Variants in RIMKLB observed in about 807,000 individuals in gnomAD.
The protein encoded by RIMKLB is ribosomal modification protein rimK like family member B.
RIMKLB carries 7 observed loss-of-function variants against 32.0 expected under a neutral mutation model. The ratio of observed to expected loss-of-function variants is 0.22; its 90% confidence interval spans 0.12 to 0.41. RIMKLB has a LOEUF of 0.41. Among genes scored for constraint, RIMKLB ranks in the 10% least tolerant of loss-of-function variants. The pLI, the probability that RIMKLB is intolerant of heterozygous loss-of-function variation, is 1.00. For synonymous variants in RIMKLB, 172 were observed against 185.1 expected (o/e 0.93, Z 0.57); for missense variants, 289 against 498.7 (o/e 0.58, Z 4.00).
chr12:8,731,936 T>C (rs932990530), intron 2 of RIMKLB, among the ~76,000 whole-genome samples: 5 of 152,188 alleles, frequency 3.3e-5, no homozygotes, highest in African/African-American at 1.2e-4. Flanking sequence ...TATTGCCTGT[T>C]TTTCTTACTT....
At chr12:8,688,993 C>T (rs1411394356) in intron 1 of RIMKLB, among the ~76,000 whole-genome samples, 1 of 152,142 alleles carries the variant, frequency 6.6e-6, no homozygotes, top group Non-Finnish European at 1.5e-5. Context: ...CGACACCACA[C>T]CCGACTAATT....
chr12:8,698,952 A>ACCCC (rs112143852), intron 1 of RIMKLB, among the ~76,000 whole-genome samples: 3 of 148,286 alleles, frequency 2.0e-5, no homozygotes, highest in African/African-American at 7.5e-5. Flanking sequence ...CTTGCCCCTC[A>ACCCC]CCCCCCCCCA....
At chr12:8,728,749 C>G (rs1454983101) in intron 2 of RIMKLB, among the ~76,000 whole-genome samples, 1 of 151,290 alleles carries the variant, frequency 6.6e-6, no homozygotes, top group East Asian at 1.9e-4. Flanking sequence ...TAGTCTGCCA[C>G]CATGCTCTGC....
intron 2 of RIMKLB, among the ~76,000 whole-genome samples, chr12:8,716,668 A>G (rs986034142): frequency 2.8e-5 from 4 of 142,588 alleles, no homozygotes; most frequent in African/African-American, 1.0e-4. Flanking sequence ...GGGGCTTCCC[A>G]TGGCTTCAAA....
At chr12:8,719,165 T>C (rs746446595) in intron 2 of RIMKLB, among the ~76,000 whole-genome samples, 1 of 152,296 alleles carries the variant, frequency 6.6e-6, no homozygotes, top group South Asian at 2.1e-4. Context: ...CAGTATGTAG[T>C]GTTTTCGTAT....
At chr12:8,727,669 C>T (rs1017818497) in intron 2 of RIMKLB, among the ~76,000 whole-genome samples, 8 of 152,068 alleles carry the variant, frequency 5.3e-5, no homozygotes, top group Non-Finnish European at 1.2e-4. Flanking sequence ...CAGGCTGAGG[C>T]GGGCGGATCA....
At chr12:8,693,008 T>G (rs1296070863), upstream of RIMKLB, among the ~76,000 whole-genome samples, 1 of 152,256 alleles carries the variant, frequency 6.6e-6, no homozygotes, top group Non-Finnish European at 1.5e-5. Context: ...TCTCAAAGAT[T>G]AAATTCTTGT....
chr12:8,757,292 C>T (rs758439348), intron 5 of RIMKLB, among the ~76,000 whole-genome samples: 3 of 152,062 alleles, frequency 2.0e-5, no homozygotes, highest in East Asian at 3.9e-4. Flanking sequence ...CTTTGGGATG[C>T]CGAGGCAAGA....
chr12:8,721,931 A>T (rs778334831), intron 2 of RIMKLB, among the ~76,000 whole-genome samples: 5 of 152,010 alleles, frequency 3.3e-5, no homozygotes, highest in Admixed American at 6.6e-5. Context: ...TTTAGTAGAG[A>T]TGGGGTTTTG....
chr12:8,738,341 G>A (rs1044688136), intron 2 of RIMKLB, among the ~76,000 whole-genome samples: 5 of 152,204 alleles, frequency 3.3e-5, no homozygotes, highest in Non-Finnish European at 4.4e-5. Context: ...ACCACACCGT[G>A]CAATTAATGG....
chr12:8,754,692 G>T (rs1194806144), intron 5 of RIMKLB, among the ~76,000 whole-genome samples: 1 of 152,026 alleles, frequency 6.6e-6, no homozygotes, highest in Non-Finnish European at 1.5e-5. Flanking sequence ...TTTATATAAG[G>T]AATTGCTTAC....
At position 8,773,573 on chromosome 12, in the gene RIMKLB, C is replaced by G. The variant is rs1950563179; in HGVS notation, c.950C>G (p.Ser317Cys). Residue 317 changes from serine (S) to cysteine (C), a missense_variant, in exon 6 of 6, where the codon TCC (serine) becomes TGC (cysteine). Physicochemically the swap from Ser to Cys is moderately radical, Grantham distance 112. Around this residue, in one of 3 missense-constraint regions of RIMKLB, gnomAD observed 99 missense variants for 133.9 expected, o/e 0.74. Coordinates refer to ENST00000535829, the MANE Select transcript of RIMKLB (RefSeq NM_001297776.2). ...LPSGRLTRRM[S>C]LLSVVSTASE... ...TCTGGCCGGCTCACCCGGCGTATGT[C>G]CCTGCTCTCCGTGGTGTCCACTGCC... is the stretch of plus-strand genomic sequence containing the variant. 1 of 1,614,254 alleles carries G rather than the reference C, an allele frequency of 6.2e-7. No homozygotes were observed. Among genetic ancestry groups the G allele is most frequent in the Non-Finnish European group, 8.5e-7 (1 of 1,180,046 alleles).
intron 5 of RIMKLB, among the ~76,000 whole-genome samples, chr12:8,771,868 G>GTTTTGTTTTTGTTTTGTTTTGT (rs1257597910): frequency 6.6e-6 from 1 of 151,900 alleles, no homozygotes; most frequent in East Asian, 1.9e-4. Flanking sequence ...CAGTTCTCCA[G>GTTTTGTTTTTGTTTTGTTTTGT]TTTTGTTTTT....
At chr12:8,684,903 G>A (rs751508906) in intron 1 of RIMKLB, among the ~76,000 whole-genome samples, 6 of 152,180 alleles carry the variant, frequency 3.9e-5, no homozygotes, top group Non-Finnish European at 7.3e-5. Flanking sequence ...GATTACAGGC[G>A]TGAGCAACCG....
chr12:8,676,715 A>T (rs143198400), upstream of RIMKLB, among the ~76,000 whole-genome samples: 1 of 151,998 alleles, frequency 6.6e-6, no homozygotes, highest in Non-Finnish European at 1.5e-5. Flanking sequence ...CTTTTAAATT[A>T]TATTTATTTT....
rs1465965258 is a variant in RIMKLB at position 8,775,199 on chromosome 12, T to C, written c.*1415T>C. 5 of 985,708 alleles carry C rather than the reference T, an allele frequency of 5.1e-6. No individual in the cohort carries two copies. The highest frequency in any genetic ancestry group is 6.0e-6 in the Non-Finnish European group (5 of 829,914). 61.1% of individuals were successfully genotyped at this position (985,708 alleles called of 1,614,324 possible). A position where few individuals can be genotyped will look rare whatever the true frequency, so the allele number is the denominator to read the frequency against. ...CTTCTGGCTATGCATTTTCTCTTTT[T>C]ACATATAGGATTTGGGATTGGGGGT... On this transcript the variant is annotated 3_prime_UTR_variant, in exon 6 of 6. Transcript: ENST00000535829.
chr12:8,712,322 T>A (rs1944445907), intron 1 of RIMKLB, among the ~76,000 whole-genome samples: 1 of 151,992 alleles, frequency 6.6e-6, no homozygotes, highest in African/African-American at 2.4e-5. Context: ...TGAGGCAGGA[T>A]AATCACTTGA....
downstream of RIMKLB, among the ~76,000 whole-genome samples, chr12:8,778,764 G>T (rs1051659694): frequency 1.3e-5 from 2 of 152,172 alleles, no homozygotes; most frequent in Non-Finnish European, 2.9e-5. Flanking sequence ...TTTAGTGAAA[G>T]TAATCAGGAC....
chr12:8,737,001 C>G, intron 2 of RIMKLB, among the ~76,000 whole-genome samples: 1 of 151,218 alleles, frequency 6.6e-6, no homozygotes, highest in East Asian at 2.0e-4. Context: ...TTAGTAGAGA[C>G]GGGGTTTCAC....
Sources: gnomAD v4.1 joint callset for allele counts (sites outside exome capture counted in the v4.1 genomes callset) on GRCh38, gnomAD v4.1.1 for gene constraint, gnomAD v4.1.1 regional missense constraint, MANE v1.5 for transcripts, NCBI Gene and HGNC (gene_info 2026-07-23, HGNC 2026-07-21) for gene names.